CAMK1D: variants seen among roughly 807,000 people sequenced by gnomAD.
CAMK1D encodes the protein calcium/calmodulin-dependent protein kinase type 1D.
In CAMK1D, 9 loss-of-function variants were observed where a neutral mutation model predicts 47.7. The observed-to-expected ratio is 0.19, with a 90% CI of 0.11 to 0.33. CAMK1D has a LOEUF of 0.33. Among genes scored for constraint, CAMK1D ranks in the 10% least tolerant of loss-of-function variants. CAMK1D has a pLI of 1.00. For synonymous variants in CAMK1D, 184 were observed against 184.9 expected (o/e 0.99, Z 0.04); for missense variants, 291 against 488.7 (o/e 0.60, Z 3.81).
intron 6 of CAMK1D, among the ~76,000 whole-genome samples, chr10:12,801,347 ATCTATCTT>A (rs1203004060): frequency 1.8e-4 from 19 of 106,528 alleles, no homozygotes; most frequent in African/African-American, 8.0e-4. Flanking sequence ...CTATCTATCT[ATCTATCTT>A]ATCTATCTAT....
chr10:12,502,009 A>G (rs996924463), intron 1 of CAMK1D, among the ~76,000 whole-genome samples: 2 of 152,204 alleles, frequency 1.3e-5, no homozygotes, highest in African/African-American at 4.8e-5. Context: ...CTGAGCTGGG[A>G]TAGAACTGAG....
chr10:12,504,131 G>GTC (rs1564377313), intron 1 of CAMK1D, among the ~76,000 whole-genome samples: 35 of 113,554 alleles, frequency 3.1e-4, no homozygotes, highest in African/African-American at 7.8e-4. Flanking sequence ...GTGTGTGTCT[G>GTC]TGTGTGTGTG....
At chr10:12,352,264 TAA>T (rs1474398316) in intron 1 of CAMK1D, among the ~76,000 whole-genome samples, 2 of 152,208 alleles carry the variant, frequency 1.3e-5, no homozygotes, top group Non-Finnish European at 2.9e-5. Context: ...GCTTAGTCAA[TAA>T]TTTGACTTAA....
At chr10:12,383,729 G>A (rs1026296628) in intron 1 of CAMK1D, among the ~76,000 whole-genome samples, 1 of 152,216 alleles carries the variant, frequency 6.6e-6, no homozygotes, top group African/African-American at 2.4e-5. Context: ...GTTTTAAAAA[G>A]TCTACTCACA....
chr10:12,350,224 T>G (rs1837312198), intron 1 of CAMK1D, among the ~76,000 whole-genome samples: 1 of 152,170 alleles, frequency 6.6e-6, no homozygotes, highest in East Asian at 1.9e-4. Flanking sequence ...CGCGTGACTG[T>G]GGGCTGAGCA....
intron 1 of CAMK1D, among the ~76,000 whole-genome samples, chr10:12,437,848 CACTG>C (rs1832680351): frequency 6.6e-6 from 1 of 152,214 alleles, no homozygotes; most frequent in Non-Finnish European, 1.5e-5. Flanking sequence ...CCCTGGCAAT[CACTG>C]ACTATTTTCC....
At chr10:12,771,434 A>T (rs1488607618) in intron 5 of CAMK1D, among the ~76,000 whole-genome samples, 4 of 152,196 alleles carry the variant, frequency 2.6e-5, no homozygotes, top group African/African-American at 9.6e-5. Flanking sequence ...ACTCCAGATG[A>T]CCTTGGGGCC....
intron 2 of CAMK1D, among the ~76,000 whole-genome samples, chr10:12,660,923 G>A (rs552344978): frequency 3.9e-5 from 6 of 152,200 alleles, no homozygotes; most frequent in Non-Finnish European, 7.4e-5. Flanking sequence ...CTGGGATTTC[G>A]CTGTGCTAGT....
intron 3 of CAMK1D, among the ~76,000 whole-genome samples, chr10:12,674,762 G>A (rs946008943): frequency 2.6e-5 from 4 of 151,732 alleles, no homozygotes; most frequent in Non-Finnish European, 4.4e-5. Flanking sequence ...GGTCAGGCGC[G>A]GTGGCTCACG....
chr10:12,409,152 C>T (rs765558996), intron 1 of CAMK1D, among the ~76,000 whole-genome samples: 5 of 152,088 alleles, frequency 3.3e-5, no homozygotes, highest in Admixed American at 6.5e-5. Context: ...CCACTGCACC[C>T]GGTTTTTGTC....
At chr10:12,773,814 A>G (rs1837151411) in intron 5 of CAMK1D, among the ~76,000 whole-genome samples, 1 of 152,128 alleles carries the variant, frequency 6.6e-6, no homozygotes, top group African/African-American at 2.4e-5. Flanking sequence ...CAGGAGAATC[A>G]CTTAAACCTG....
intron 1 of CAMK1D, among the ~76,000 whole-genome samples, chr10:12,375,742 G>A (rs921488086): frequency 6.6e-6 from 1 of 152,080 alleles, no homozygotes; most frequent in Admixed American, 6.6e-5. Flanking sequence ...TCTCAAACAC[G>A]GCTTGTTGTA....
chr10:12,455,315 G>A (rs886298506), intron 1 of CAMK1D, among the ~76,000 whole-genome samples: 10 of 152,160 alleles, frequency 6.6e-5, no homozygotes, highest in Admixed American at 5.9e-4. Context: ...GAGACTTCAG[G>A]TATGCACCAC....
chr10:12,584,677 G>T (rs565074563), intron 2 of CAMK1D, among the ~76,000 whole-genome samples: 46 of 152,274 alleles, frequency 3.0e-4, no homozygotes, highest in Non-Finnish European at 5.4e-4. Context: ...GAAATTAGCC[G>T]GGCGTGGTGG....
intron 2 of CAMK1D, among the ~76,000 whole-genome samples, chr10:12,558,129 T>C (rs1169011708): frequency 6.6e-6 from 1 of 152,218 alleles, no homozygotes; most frequent in African/African-American, 2.4e-5. Context: ...GAACAGTTAG[T>C]TGTGATCCCA....
chr10:12,644,794 A>G (rs1176185624), intron 2 of CAMK1D, among the ~76,000 whole-genome samples: 1 of 152,192 alleles, frequency 6.6e-6, no homozygotes, highest in African/African-American at 2.4e-5. Context: ...TTTTTTCATA[A>G]GCCATTACAG....
chr10:12,557,710 A>G (rs1836810381), intron 2 of CAMK1D, among the ~76,000 whole-genome samples: 1 of 151,870 alleles, frequency 6.6e-6, no homozygotes, highest in Non-Finnish European at 1.5e-5. Context: ...GTTGATTTCC[A>G]CGCTATTTGT....
At chr10:12,442,870 CCAAAA>C (rs1832821549) in intron 1 of CAMK1D, among the ~76,000 whole-genome samples, 1 of 152,162 alleles carries the variant, frequency 6.6e-6, no homozygotes, top group Admixed American at 6.5e-5. Flanking sequence ...TTGGAAACGT[CCAAAA>C]TTTAACCATG....
At chr10:12,588,336 G>A (rs1380712930) in intron 2 of CAMK1D, among the ~76,000 whole-genome samples, 3 of 152,118 alleles carry the variant, frequency 2.0e-5, no homozygotes, top group Non-Finnish European at 4.4e-5. Context: ...TGCATGCTTA[G>A]CAAATTTGCA....
Sources: gnomAD v4.1 joint callset for allele counts (sites outside exome capture counted in the v4.1 genomes callset) on GRCh38, gnomAD v4.1.1 for gene constraint, MANE v1.5 for transcripts, NCBI Gene and HGNC (gene_info 2026-07-23, HGNC 2026-07-21) for gene names.